The following ZNF148 variants were observed in gnomAD, a reference collection of about 807,000 sequenced individuals.
ZNF148 encodes Beta-Enolase Repressor Factor-1.
In ZNF148, 7 loss-of-function variants were observed where a neutral mutation model predicts 67.7. The ratio of observed to expected loss-of-function variants is 0.10; its 90% CI spans 0.06 to 0.19. ZNF148 has a LOEUF of 0.19. Ranked by LOEUF, ZNF148 falls within the 10% of genes least tolerant of loss-of-function variation. The pLI, the probability that ZNF148 is intolerant of heterozygous loss-of-function variation, is 1.00. For synonymous variants in ZNF148, 333 were observed against 330.7 expected (o/e 1.01, Z -0.08); for missense variants, 583 against 947.1 (o/e 0.62, Z 5.05).
rs146705082 is a variant in ZNF148 at position 125,289,602 on chromosome 3, C to T, written c.334-1374G>A. Among the ~76,000 whole-genome samples the T allele has an allele frequency of 6.7e-3, 1,014 of 152,178 alleles. 14 individuals carry two copies. Among genetic ancestry groups the T allele is most frequent in the African/African-American group, 0.023 (952 of 41,542 alleles). On this transcript the variant is annotated intron_variant, in intron 4 of 8. Coordinates refer to ENST00000360647, the MANE Select transcript of ZNF148 (RefSeq NM_021964.3). ...CTCTGAAGTGGTATTTACTGAAAAA[C>T]AATAACTGGGAATGGGTATGAGACA...
chr3:125,307,927 T>C (rs1939979114), intron 4 of ZNF148, among the ~76,000 whole-genome samples: 1 of 151,850 alleles, frequency 6.6e-6, no homozygotes, highest in African/African-American at 2.4e-5. Flanking sequence ...AGTGCTGAGA[T>C]TACAGGCATT....
intron 4 of ZNF148, 59 bp from the exon 5 acceptor site, chr3:125,288,287 G>T: frequency 1.3e-6 from 2 of 1,530,518 alleles, no homozygotes; most frequent in South Asian, 1.2e-5. Context: ...TGTGACAAAA[G>T]GCCATTTTAT....
chr3:125,256,471 G>A (rs888879358), intron 7 of ZNF148, among the ~76,000 whole-genome samples: 1 of 151,928 alleles, frequency 6.6e-6, no homozygotes, highest in Non-Finnish European at 1.5e-5. Flanking sequence ...GAGCTCAGGA[G>A]CTCAAGACCA....
intron 4 of ZNF148, among the ~76,000 whole-genome samples, chr3:125,295,404 G>T (rs1247174325): frequency 6.6e-6 from 1 of 151,244 alleles, no homozygotes; most frequent in South Asian, 2.1e-4. Flanking sequence ...AGCGAGCCAG[G>T]ATCGTGCCAC....
At chr3:125,279,846 A>T (rs1938282778) in intron 5 of ZNF148, among the ~76,000 whole-genome samples, 1 of 152,182 alleles carries the variant, frequency 6.6e-6, no homozygotes, top group African/African-American at 2.4e-5. Context: ...ATAGGCATAA[A>T]AACTACTTGA....
In ZNF148 at chr3:125,229,610, A is replaced by G. The variant is rs544597595; in HGVS notation, c.*2731T>C. ...AACGTGAGTAGGTCCCAAGAGGAAA[A>G]GCACACCTCACTCAGATTGATCAAA... On this transcript the variant is annotated 3_prime_UTR_variant, in exon 9 of 9. Coordinates refer to ENST00000360647, the MANE Select transcript of ZNF148 (RefSeq NM_021964.3). 1 of 152,264 alleles carries G rather than the reference A, an allele frequency of 6.6e-6. No individual in the cohort carries two copies. Among genetic ancestry groups the G allele is most frequent in the African/African-American group, 2.4e-5 (1 of 41,554 alleles). The allele number at this position is 152,264 out of a possible 1,614,324, so 9.4% of individuals were successfully genotyped here.
At chr3:125,239,322 A>T (rs1369794283) in intron 7 of ZNF148, among the ~76,000 whole-genome samples, 1 of 152,244 alleles carries the variant, frequency 6.6e-6, no homozygotes, top group African/African-American at 2.4e-5. Flanking sequence ...GAACTCTTAC[A>T]ACTCAATGGG....
chr3:125,352,662 TAAA>T (rs34630272), intron 1 of ZNF148, among the ~76,000 whole-genome samples: 57 of 137,986 alleles, frequency 4.1e-4, no homozygotes, highest in Middle Eastern at 3.8e-3. Context: ...ACCTCTATCT[TAAA>T]AAAAAAAAAA....
chr3:125,238,503 C>T lies in ZNF148; in HGVS notation c.668-4174G>A, dbSNP rs559953809. Among the ~76,000 whole-genome samples the T allele has an allele frequency of 1.1e-4, 16 of 152,092 alleles. No homozygotes were observed. The South Asian group carries it at 1.7e-3, about 16-fold the overall frequency. On this transcript the variant is annotated intron_variant, in intron 7 of 8. Transcript: ENST00000360647. ...ATTAGCCAGGCATGGTGGCACACTC[C>T]TGTAATCCCAGCTACTCAGGAGGCT... is the stretch of plus-strand genomic sequence containing the variant.
At chr3:125,248,310 A>G (rs1936690996) in intron 7 of ZNF148, among the ~76,000 whole-genome samples, 1 of 152,218 alleles carries the variant, frequency 6.6e-6, no homozygotes, top group Non-Finnish European at 1.5e-5. Flanking sequence ...TGAACTTGAT[A>G]TAAGCCCCCC....
At chr3:125,282,634 T>A (rs2107615041) in intron 5 of ZNF148, among the ~76,000 whole-genome samples, 1 of 152,276 alleles carries the variant, frequency 6.6e-6, no homozygotes, top group African/African-American at 2.4e-5. Flanking sequence ...CAAATGGAAT[T>A]TCTCAGTTAA....
chr3:125,360,587 A>C (rs945330791), intron 1 of ZNF148, among the ~76,000 whole-genome samples: 2 of 151,960 alleles, frequency 1.3e-5, no homozygotes, highest in Non-Finnish European at 2.9e-5. Context: ...TACTCAGCTT[A>C]CCTTATCTTT....
chr3:125,246,991 T>C (rs1014988491), intron 7 of ZNF148, among the ~76,000 whole-genome samples: 4 of 152,180 alleles, frequency 2.6e-5, no homozygotes, highest in Admixed American at 2.6e-4. Flanking sequence ...TAGGAAATCA[T>C]CTGAGACTAA....
At chr3:125,246,211 G>A (rs1936591361) in intron 7 of ZNF148, among the ~76,000 whole-genome samples, 1 of 152,082 alleles carries the variant, frequency 6.6e-6, no homozygotes, top group Non-Finnish European at 1.5e-5. Flanking sequence ...TAAAATCTGG[G>A]TGAAAAATAA....
In ZNF148 at chr3:125,277,444, C is replaced by T. The variant is rs145777015; in HGVS notation, c.667+282G>A. 3.4e-3 allele frequency among the ~76,000 whole-genome samples: 524 copies of T among 152,246 alleles called. 3 individuals carry two copies. The highest frequency in any genetic ancestry group is 0.012 in the African/African-American group (486 of 41,540). ...CGATAATTTTGAGTTCAGTAAACAC[C>T]TAAGGAAATAGCAATTTCAGAAAAT... is the stretch of plus-strand genomic sequence containing the variant. On this transcript the variant is annotated intron_variant, in intron 7 of 8. Coordinates refer to ENST00000360647, the MANE Select transcript of ZNF148 (RefSeq NM_021964.3).
At chr3:125,234,380 G>A in intron 7 of ZNF148, 51 bp from the exon 8 acceptor site, 2 of 1,263,888 alleles carry the variant, frequency 1.6e-6, no homozygotes, top group Non-Finnish European at 2.2e-6. Context: ...GTAAAATAAT[G>A]AATTGCTTTG....
intron 1 of ZNF148, among the ~76,000 whole-genome samples, chr3:125,366,842 TA>T (rs914003628): frequency 1.0e-4 from 15 of 148,444 alleles, no homozygotes; most frequent in African/African-American, 1.2e-4. Flanking sequence ...ATCCAAAACT[TA>T]AAAAAAAAAA....
intron 2 of ZNF148, among the ~76,000 whole-genome samples, chr3:125,329,312 G>C (rs1299669741): frequency 6.9e-6 from 1 of 145,004 alleles, no homozygotes; most frequent in South Asian, 2.1e-4. Context: ...TCATACTACA[G>C]ATATATATAT....
At chr3:125,241,505 A>G (rs1936358575) in intron 7 of ZNF148, among the ~76,000 whole-genome samples, 1 of 152,128 alleles carries the variant, frequency 6.6e-6, no homozygotes, top group South Asian at 2.1e-4. Flanking sequence ...TTCTTTTACA[A>G]AGATAGCATA....
Sources: allele counts gnomAD v4.1 joint callset (sites outside exome capture counted in the v4.1 genomes callset), GRCh38; gene constraint gnomAD v4.1.1; transcripts MANE v1.5; gene names NCBI Gene and HGNC (gene_info 2026-07-23, HGNC 2026-07-21).